The following ZDHHC11 variants were observed in gnomAD, a reference collection of about 807,000 sequenced individuals.
ZDHHC11 encodes the protein zDHHC palmitoyltransferase 11.
ZDHHC11 carries 44 observed loss-of-function variants against 51.3 expected under a neutral mutation model. That is an observed-to-expected ratio of 0.86 (90% CI 0.67 to 1.10). ZDHHC11 has a LOEUF of 1.10. Among genes scored for constraint, ZDHHC11 ranks in the 50% least tolerant of loss-of-function variants. ZDHHC11 has a pLI of 0.00. For synonymous variants in ZDHHC11, 163 were observed against 222.0 expected, an observed-to-expected ratio of 0.73 and a Z score of 2.36; for missense variants, 400 against 537.7, an observed-to-expected ratio of 0.74 and a Z score of 2.53.
chr5:811,128 T>A, intron 11 of ZDHHC11, among the ~76,000 whole-genome samples: 1 of 143,672 alleles, frequency 7.0e-6, no homozygotes, highest in African/African-American at 2.6e-5. Flanking sequence ...TGTGTACTGA[T>A]AAAACATATA....
At chr5:836,104 T>C (rs1375108043) in intron 6 of ZDHHC11, among the ~76,000 whole-genome samples, 1 of 150,178 alleles carries the variant, frequency 6.7e-6, no homozygotes, top group Admixed American at 6.6e-5. Flanking sequence ...GGAAAGGGCG[T>C]CATCACCTGT....
At chr5:798,004 C>G (rs1425085079) in intron 12 of ZDHHC11, among the ~76,000 whole-genome samples, 1 of 150,476 alleles carries the variant, frequency 6.6e-6, no homozygotes, top group Non-Finnish European at 1.5e-5. Flanking sequence ...ACCTGTTGCT[C>G]CAAATACTCG....
At chr5:840,786 G>T in intron 4 of ZDHHC11, 136 bp from the exon 5 acceptor site, 1 of 1,537,780 alleles carries the variant, frequency 6.5e-7, no homozygotes, top group Non-Finnish European at 8.8e-7. Flanking sequence ...CCCTGCCCAG[G>T]TGGACGCCTC....
chr5:812,631 T>C (rs369149815), intron 11 of ZDHHC11, among the ~76,000 whole-genome samples: 5,278 of 143,932 alleles, frequency 0.037, 229 homozygotes, highest in Non-Finnish European at 0.054. Context: ...GTAAAGTAAG[T>C]AAAAAGAAAC....
At chr5:854,956 C>CAG (rs2150506866), upstream of ZDHHC11, among the ~76,000 whole-genome samples, 2 of 139,572 alleles carry the variant, frequency 1.4e-5, no homozygotes, top group African/African-American at 2.7e-5. Flanking sequence ...GGACAGTGAG[C>CAG]CGGGGGGCAC....
intron 3 of ZDHHC11, among the ~76,000 whole-genome samples, chr5:846,445 C>G (rs1746170005): frequency 6.6e-6 from 1 of 151,020 alleles, no homozygotes; most frequent in African/African-American, 2.5e-5. Flanking sequence ...GGATCCTCCA[C>G]TGTGCTCAGG....
At chr5:840,983 C>A (rs1339100706) in intron 4 of ZDHHC11, 8 of 1,311,344 alleles carry the variant, frequency 6.1e-6, no homozygotes, top group Non-Finnish European at 6.8e-6. Context: ...ACAGCGCCCA[C>A]CCCTTCCTAA....
intron 11 of ZDHHC11, among the ~76,000 whole-genome samples, chr5:804,580 CAA>C (rs752874490): frequency 6.0e-5 from 9 of 151,016 alleles, no homozygotes; most frequent in East Asian, 1.9e-4. Flanking sequence ...GCATAGACAA[CAA>C]GAGAATTTTG....
intron 7 of ZDHHC11, among the ~76,000 whole-genome samples, chr5:829,562 A>T (rs1310246068): frequency 6.6e-6 from 1 of 151,568 alleles, no homozygotes; most frequent in Non-Finnish European, 1.5e-5. Context: ...TCTATCAGGC[A>T]TCCAAAGAAG....
intron 5 of ZDHHC11, chr5:839,828 C>G: frequency 4.2e-6 from 1 of 237,476 alleles, no homozygotes; most frequent in Non-Finnish European, 8.3e-6. Context: ...ACAGAAACCC[C>G]CTGAGAGGCC....
chr5:818,031 G>A (rs560828580), intron 10 of ZDHHC11, among the ~76,000 whole-genome samples: 7 of 151,372 alleles, frequency 4.6e-5, no homozygotes, highest in East Asian at 3.9e-4. Context: ...ACAATGAACC[G>A]ACGGTGTTAT....
rs1274079458 is a variant in ZDHHC11 at position 841,040 on chromosome 5, G to A, written c.629-390C>T. 5.6e-5 allele frequency: 58 copies of A among 1,041,472 alleles called. 2 individuals are homozygous for A. In the African/African-American group the frequency reaches 1.8e-3, roughly 32 times the overall value. The allele number at this position is 1,041,472 out of a possible 1,614,324, so 64.5% of individuals were successfully genotyped here. On this transcript the variant is annotated intron_variant, in intron 4 of 12. Transcript: ENST00000283441. ...CCCCCCTTCCTCACTAAGTGCCGGG[G>A]TCACAGTGCCCACCCCTTCCTCACT...
At chr5:857,991 G>A (rs1252045315) in intron 1 of ZDHHC11, among the ~76,000 whole-genome samples, 19 of 129,464 alleles carry the variant, frequency 1.5e-4, no homozygotes, top group South Asian at 2.6e-4. Flanking sequence ...TTATGACACC[G>A]TGGTCCCCCG....
chr5:845,058 C>T (rs1160991567), intron 3 of ZDHHC11, among the ~76,000 whole-genome samples: 2 of 152,400 alleles, frequency 1.3e-5, no homozygotes, highest in Non-Finnish European at 2.9e-5. Flanking sequence ...GCATGAATGC[C>T]GCAGTCCTCC....
At chr5:844,945 ATTTT>A (rs1260582753) in intron 3 of ZDHHC11, among the ~76,000 whole-genome samples, 45 of 152,352 alleles carry the variant, frequency 3.0e-4, no homozygotes, top group African/African-American at 1.1e-3. Flanking sequence ...CCATGATGAT[ATTTT>A]TTTAAAAGTA....
At chr5:853,195 GC>G (rs1261580906), upstream of ZDHHC11, among the ~76,000 whole-genome samples, 10 of 146,460 alleles carry the variant, frequency 6.8e-5, no homozygotes, top group East Asian at 4.2e-4. Flanking sequence ...GAGCCAGGGG[GC>G]AGAGACTCCA....
rs1168968219 is a variant in ZDHHC11, at chr5:823,227, T to C, written c.1024-1332A>G. Among the ~76,000 whole-genome samples the C allele has an allele frequency of 3.9e-4, 59 of 151,136 alleles. 1 individual carries two copies. The highest frequency in any genetic ancestry group is 1.4e-3 in the African/African-American group (56 of 41,214). On this transcript the variant is annotated intron_variant, in intron 8 of 12. Coordinates refer to ENST00000283441, the MANE Select transcript of ZDHHC11 (RefSeq NM_024786.3). ...AGACCCCGGAGATATTCTAGGATTT[T>C]TGTAGGAATGTTAAAGTTTCCCCCT... is the stretch of plus-strand genomic sequence containing the variant.
chr5:841,023 CCTCA>C lies in ZDHHC11; in HGVS notation c.629-377_629-374del, dbSNP rs139298688. The C allele has an allele frequency of 1.8e-4, 206 of 1,162,506 alleles. No homozygotes were observed. In the East Asian group the frequency reaches 8.2e-3, roughly 46 times the overall value. The allele number at this position is 1,162,506 out of a possible 1,614,324, so 72.0% of individuals were successfully genotyped here. A position where few individuals can be genotyped will look rare whatever the true frequency, so the allele number is the denominator to read the frequency against. The stretch of plus-strand genomic sequence containing the variant: ...CGGGGTCACAGCGCCCACCCCCCTT[CCTCA>C]CTAAGTGCCGGGGTCACAGTGCCCA... On this transcript the variant is annotated intron_variant, in intron 4 of 12. Transcript: ENST00000283441.
At chr5:838,279 C>A (rs1744206230) in intron 5 of ZDHHC11, among the ~76,000 whole-genome samples, 1 of 152,042 alleles carries the variant, frequency 6.6e-6, no homozygotes, top group African/African-American at 2.4e-5. Context: ...TCTAAAAGAG[C>A]CGTCTTAACA....
Sources: gnomAD v4.1 joint callset for allele counts (sites outside exome capture counted in the v4.1 genomes callset) on GRCh38, gnomAD v4.1.1 for gene constraint, MANE v1.5 for transcripts, NCBI Gene and HGNC (gene_info 2026-07-23, HGNC 2026-07-21) for gene names.